The following UBR4 variants were observed in gnomAD, a reference collection of about 807,000 sequenced individuals.
The protein encoded by UBR4 is ubiquitin protein ligase E3 component n-recognin 4.
In UBR4, 124 loss-of-function variants were observed where a neutral mutation model predicts 575.6. The observed-to-expected ratio is 0.22, with a 90% CI of 0.19 to 0.25. The LOEUF (loss-of-function observed/expected upper bound fraction) is 0.25. UBR4 is among the 10% of genes least tolerant of loss of function. The pLI is 1.00. For synonymous variants in UBR4, 2,455 were observed against 2,473.7 expected (o/e 0.99, Z 0.22); for missense variants, 4,818 against 6,478.8 (o/e 0.74, Z 8.80).
chr1:19,160,295 A>G lies in UBR4; in HGVS notation c.5407-14T>C. ...GGAGAAATTGGCCTGAGAAAAATAG[A>G]AAAAATACACCAGTGAAAAAAAAAA... is the stretch of plus-strand genomic sequence containing the variant. On this transcript the variant is annotated splice_polypyrimidine_tract_variant and intron_variant, in intron 38 of 105. Transcript: ENST00000375254. 2 of 1,582,894 alleles carry G rather than the reference A, an allele frequency of 1.3e-6. No individual in the cohort carries two copies. Among genetic ancestry groups the G allele is most frequent in the Non-Finnish European group, 1.7e-6 (2 of 1,166,450 alleles).
chr1:19,134,198 C>G (rs971747764), intron 60 of UBR4, among the ~76,000 whole-genome samples: 22 of 147,402 alleles, frequency 1.5e-4, no homozygotes, highest in African/African-American at 5.5e-4. Context: ...AAGTTGCAAT[C>G]AGCTATGATT....
At chr1:19,155,136 T>C in intron 43 of UBR4, 61 bp from the exon 44 acceptor site, 1 of 1,596,740 alleles carries the variant, frequency 6.3e-7, no homozygotes, top group Non-Finnish European at 8.6e-7. Context: ...CAACTTCCGG[T>C]TTATACTGGT....
chr1:19,126,497 A>G lies in UBR4; in HGVS notation c.9387T>C (p.Thr3129=), dbSNP rs1254377647. Residue 3129 remains threonine, a synonymous_variant, in exon 64 of 106, where the codon ACT becomes ACC. Coordinates refer to ENST00000375254, the MANE Select transcript of UBR4 (RefSeq NM_020765.3). The part of the protein sequence containing the change: ...VATSQLLKPH[T]TSSPPDMSPF... ...GGCTCATGTCAGGTGGGGAGGAGGT[A>G]GTATGTGGTTTCAGCAACTGGCTGG... is the stretch of plus-strand genomic sequence containing the variant. The G allele has an allele frequency of 6.2e-7, 1 of 1,614,178 alleles. No homozygotes were observed. The highest frequency in any genetic ancestry group is 8.5e-7 in the Non-Finnish European group (1 of 1,180,020).
At chr1:19,171,135 T>C (rs1397822563) in intron 25 of UBR4, among the ~76,000 whole-genome samples, 1 of 152,158 alleles carries the variant, frequency 6.6e-6, no homozygotes, top group African/African-American at 2.4e-5. Context: ...GAATACTATA[T>C]CTATCCTCCT....
chr1:19,152,198 G>T lies in UBR4; in HGVS notation c.6996+115C>A. ...AGGAACCATTTAACTAGAACCGAGG[G>T]TTGTGACTGTGAGTATATACTCTAT... On this transcript the variant is annotated intron_variant, in intron 47 of 105. Coordinates refer to ENST00000375254, the MANE Select transcript of UBR4 (RefSeq NM_020765.3). The surrounding 1 kb of genome is among the most constrained non-coding windows in gnomAD (Gnocchi z 4.4). The T allele has an allele frequency of 1.4e-6, 2 of 1,392,186 alleles. No individual in the cohort carries two copies. The highest frequency in any genetic ancestry group is 2.0e-6 in the Non-Finnish European group (2 of 1,016,198). 86.2% of individuals were successfully genotyped at this position (1,392,186 alleles called of 1,614,324 possible).
chr1:19,152,303 C>T lies in UBR4; in HGVS notation c.6996+10G>A, dbSNP rs2085849159. On this transcript the variant is annotated intron_variant, in intron 47 of 105. Coordinates refer to ENST00000375254, the MANE Select transcript of UBR4 (RefSeq NM_020765.3). This position sits in a 1 kb window ranked among gnomAD's most constrained non-coding sequence, Gnocchi z 4.4. The stretch of plus-strand genomic sequence containing the variant: ...CCCAGGGATTGATCCCAGCCCAGTG[C>T]CATTCTTACCTTGGTGTTGGCCACA... 6.2e-7 allele frequency: 1 copy of T among 1,613,748 alleles called. No homozygotes were observed. Among genetic ancestry groups the T allele is most frequent in the Admixed American group, 1.7e-5 (1 of 60,018 alleles).
chr1:19,126,694 T>G lies in UBR4; in HGVS notation c.9229-39A>C, dbSNP rs2149589798. ...AAAATACAGAGATGGGAAGAATGGC[T>G]TGTAAAAACAATGTGAAATCCAGGT... On this transcript the variant is annotated intron_variant, in intron 63 of 105. Transcript: ENST00000375254. 1.9e-6 allele frequency: 3 copies of G among 1,600,796 alleles called. No homozygotes were observed. The African/African-American group carries it at 4.0e-5, about 21-fold the overall frequency.
Position 19,121,621 on chromosome 1 carries a change from C to T in UBR4, c.9896-187G>A, listed in dbSNP as rs114293843. Among the ~76,000 whole-genome samples, 1,345 of 152,320 alleles carry T rather than the reference C, an allele frequency of 8.8e-3. 6 individuals are homozygous for T. The highest frequency in any genetic ancestry group is 0.024 in the Middle Eastern group (7 of 294). On this transcript the variant is annotated intron_variant, in intron 67 of 105. Coordinates refer to ENST00000375254, the MANE Select transcript of UBR4 (RefSeq NM_020765.3). ...AAATCTCTGAAAAGTATTTTAACTA[C>T]ACACCGACCAGAGCCCCCTGCTCCT... is the stretch of plus-strand genomic sequence containing the variant.
chr1:19,143,309 A>C (rs1277702955), intron 55 of UBR4, among the ~76,000 whole-genome samples: 1 of 134,286 alleles, frequency 7.4e-6, no homozygotes, highest in Non-Finnish European at 1.6e-5. Context: ...AAAGAAAGAA[A>C]GAAAGAAAGA....
intron 94 of UBR4, 33 bp downstream of exon 94, chr1:19,094,873 T>C: frequency 6.2e-7 from 1 of 1,610,796 alleles, no homozygotes; most frequent in East Asian, 2.2e-5. Flanking sequence ...AGGCTCTCAG[T>C]GCCTGCAGAT....
Position 19,184,077 on chromosome 1 carries a change from TGAAAGA to T in UBR4, c.2031_2036del (p.Leu678_Ser679del). The T allele has an allele frequency of 6.2e-7, 1 of 1,614,190 alleles. No individual in the cohort carries two copies. Among genetic ancestry groups the T allele is most frequent in the Non-Finnish European group, 8.5e-7 (1 of 1,180,032 alleles). On this transcript the variant is annotated inframe_deletion, in exon 16 of 106. Coordinates refer to ENST00000375254, the MANE Select transcript of UBR4 (RefSeq NM_020765.3). ...TGGCTAGGGTGGCCATATGGTGTTC[TGAAAGA>T]GATACACTCAGATAGTTTCGGATAA...
At chr1:19,194,837 A>G (rs1303801898) in intron 8 of UBR4, among the ~76,000 whole-genome samples, 1 of 152,050 alleles carries the variant, frequency 6.6e-6, no homozygotes, top group Non-Finnish European at 1.5e-5. Flanking sequence ...TTCATTCACT[A>G]AATTTAAAAT....
intron 55 of UBR4, among the ~76,000 whole-genome samples, chr1:19,143,276 AAG>A (rs1212788878): frequency 1.2e-5 from 1 of 80,356 alleles, no homozygotes; most frequent in Admixed American, 1.2e-4. Context: ...GAAAGAAAGA[AAG>A]AAAGAAAGAA....
intron 54 of UBR4, 65 bp from the exon 55 acceptor site, chr1:19,144,156 A>G (rs1426759780): frequency 6.8e-7 from 1 of 1,467,422 alleles, no homozygotes; most frequent in East Asian, 2.3e-5. Flanking sequence ...TCTATAAAAC[A>G]CTTTCCTTTC....
rs1444287059 is a variant in UBR4, at chr1:19,149,803, G to T, written c.7430+774C>A. 3.9e-6 allele frequency: 5 copies of T among 1,287,684 alleles called. No individual in the cohort carries two copies. In the East Asian group the frequency reaches 1.7e-4, roughly 43 times the overall value. 79.8% of individuals were successfully genotyped at this position (1,287,684 alleles called of 1,614,324 possible). A position where few individuals can be genotyped will look rare whatever the true frequency, so the allele number is the denominator to read the frequency against. On this transcript the variant is annotated intron_variant, in intron 49 of 105. Transcript: ENST00000375254. ...AGGGACTCAGTTTCAGAACTTGGGG[G>T]AGAAGCAAAGAAAAAAAAAAAAGGA... is the stretch of plus-strand genomic sequence containing the variant.
chr1:19,169,258 T>C (rs2089102726), intron 27 of UBR4, among the ~76,000 whole-genome samples, 177 bp downstream of exon 27: 3 of 152,206 alleles, frequency 2.0e-5, no homozygotes, highest in South Asian at 2.1e-4. Flanking sequence ...CAAAAAGCCA[T>C]ATGAGAACCA....
At position 19,190,312 on chromosome 1, in the gene UBR4, A is replaced by AAAAAAAAATATATATATAT; in HGVS notation, c.1394+1875_1394+1876insATATATATATATTTTTTTT. On this transcript the variant is annotated intron_variant, in intron 11 of 105. Transcript: ENST00000375254. ...TGCCTCAAAAAAAAAAAAAAAAAAAAATATATATATATATATATTTGTATG... is the reference window on the plus strand; with the variant it reads ...TGCCTCAAAAAAAAAAAAAAAAAAAAAAAAAAAATATATATATATATATATATATATATATATTTGTATG... 7.6e-3 allele frequency among the ~76,000 whole-genome samples: 606 copies of AAAAAAAAATATATATATAT among 79,338 alleles called. 11 individuals carry two copies. The highest frequency in any genetic ancestry group is 0.011 in the Admixed American group (60 of 5,476). The allele number at this position is 79,338 out of a possible 152,430, so 52.0% of individuals were successfully genotyped here.
chr1:19,119,713 T>C lies in UBR4; in HGVS notation c.10311-12A>G, dbSNP rs2080966024. 1.3e-6 allele frequency: 2 copies of C among 1,595,876 alleles called. No homozygotes were observed. The highest frequency in any genetic ancestry group is 2.2e-5 in the South Asian group (2 of 90,644). On this transcript the variant is annotated splice_polypyrimidine_tract_variant and intron_variant, in intron 69 of 105. Transcript: ENST00000375254. ...ATTTGCTGGAATTTCTGTGGATATA[T>C]GACAGCTCATGTTACCAAGCAGCAG...
chr1:19,174,529 A>C, intron 21 of UBR4, 82 bp from the exon 22 acceptor site: 36 of 1,509,220 alleles, frequency 2.4e-5, no homozygotes, highest in Middle Eastern at 1.7e-4. Context: ...ACTTATCCTC[A>C]TGATTGACAA....
Sources: allele counts gnomAD v4.1 joint callset (sites outside exome capture counted in the v4.1 genomes callset), GRCh38; gene constraint gnomAD v4.1.1; non-coding constraint Gnocchi (gnomAD v3.1); transcripts MANE v1.5; gene names NCBI Gene and HGNC (gene_info 2026-07-23, HGNC 2026-07-21).